The following GDA variants were observed in gnomAD, a reference collection of about 807,000 sequenced individuals.
GDA encodes guanine deaminase.
Under a neutral mutation model 59.6 loss-of-function variants are expected in GDA, and 18 were observed. That is an observed-to-expected ratio of 0.30 (90% CI 0.21 to 0.45). The LOEUF (loss-of-function observed/expected upper bound fraction) is 0.45. GDA is among the 20% of genes least tolerant of loss of function. GDA has a pLI of 1.00. For missense variants in GDA, 427 were observed against 552.3 expected, an observed-to-expected ratio of 0.77 and a Z score of 2.27; for synonymous variants, 201 against 201.1, an observed-to-expected ratio of 1.00 and a Z score of 0.00.
At chr9:72,123,551 G>T (rs1175826046) in intron 1 of GDA, among the ~76,000 whole-genome samples, 1 of 140,622 alleles carries the variant, frequency 7.1e-6, no homozygotes, top group Admixed American at 7.5e-5. Context: ...GCAATGGCGT[G>T]ATCTCAGCTC....
At chr9:72,234,427 TA>T (rs907608282) in intron 10 of GDA, among the ~76,000 whole-genome samples, 1 of 152,146 alleles carries the variant, frequency 6.6e-6, no homozygotes, top group Non-Finnish European at 1.5e-5. Context: ...ATACCTCAGT[TA>T]AAAAAATGAC....
At chr9:72,188,084 A>T (rs1320450019) in intron 1 of GDA, among the ~76,000 whole-genome samples, 1 of 152,238 alleles carries the variant, frequency 6.6e-6, no homozygotes, top group African/African-American at 2.4e-5. Flanking sequence ...TGATTTAAAG[A>T]TGGAATTTAT....
chr9:72,147,269 G>A (rs972482585), upstream of GDA, among the ~76,000 whole-genome samples: 6 of 152,116 alleles, frequency 3.9e-5, no homozygotes, highest in South Asian at 8.3e-4. Flanking sequence ...ATGCAGTGGC[G>A]TGATCTCAGC....
chr9:72,134,419 TAGAC>T (rs1193261464), intron 1 of GDA, among the ~76,000 whole-genome samples: 2 of 151,396 alleles, frequency 1.3e-5, no homozygotes, highest in East Asian at 1.9e-4. Context: ...TTTTTTTTCT[TAGAC>T]AGAGTTTTGC....
intron 1 of GDA, among the ~76,000 whole-genome samples, chr9:72,179,548 A>C (rs7025700): frequency 0.18 from 27,761 of 152,172 alleles, 2,856 homozygotes; most frequent in African/African-American, 0.29. Context: ...AAGTGACTAC[A>C]GGCAAGAAAA....
At chr9:72,134,124 G>A (rs920327654) in intron 1 of GDA, among the ~76,000 whole-genome samples, 3 of 152,072 alleles carry the variant, frequency 2.0e-5, no homozygotes, top group Non-Finnish European at 4.4e-5. Context: ...TGGCAAATAG[G>A]GATGAACGCC....
intron 1 of GDA, among the ~76,000 whole-genome samples, chr9:72,180,746 G>T (rs574557509): frequency 2.0e-5 from 3 of 152,106 alleles, no homozygotes; most frequent in Non-Finnish European, 4.4e-5. Context: ...AGTTGGTTAA[G>T]CATCAGAGGA....
rs79452384 is a variant in GDA at position 72,183,514 on chromosome 9, G to A, written c.124-11986G>A. 3.5e-3 allele frequency among the ~76,000 whole-genome samples: 540 copies of A among 152,246 alleles called. 6 individuals are homozygous for A. Among genetic ancestry groups the A allele is most frequent in the African/African-American group, 0.012 (516 of 41,554 alleles). ...TAGTTTATAAAGAAAAAAAGAAAAG[G>A]AAAAGGCTGTTTGGTTTTTAAAATA... On this transcript the variant is annotated intron_variant, in intron 1 of 13. Coordinates refer to ENST00000358399, the MANE Select transcript of GDA (RefSeq NM_004293.5).
At chr9:72,188,565 A>G (rs1832129940) in intron 1 of GDA, among the ~76,000 whole-genome samples, 1 of 152,266 alleles carries the variant, frequency 6.6e-6, no homozygotes. Flanking sequence ...TCATCCACCT[A>G]GATTTCAAAG....
chr9:72,149,630 G>A lies in GDA; in HGVS notation c.71G>A (p.Cys24Tyr). The A allele has an allele frequency of 6.2e-7, 1 of 1,609,962 alleles. No homozygotes were observed. The highest frequency in any genetic ancestry group is 1.1e-5 in the South Asian group (1 of 90,906). Residue 24 changes from cysteine (C) to tyrosine (Y), a missense_variant, in exon 1 of 14, where the codon TGC becomes TAC. By Grantham distance (194) the Cys-to-Tyr change is radical. Transcript: ENST00000358399. The stretch of plus-strand genomic sequence containing the variant: ...ACGTTCGTCCACTCCACCTGGACCT[G>A]CCCCATGGAGGTGCTGCGGGATCAC... ...RGTFVHSTWT[C>Y]PMEVLRDHLL...
At chr9:72,146,593 C>T (rs1826645005), upstream of GDA, among the ~76,000 whole-genome samples, 2 of 152,078 alleles carry the variant, frequency 1.3e-5, no homozygotes, top group South Asian at 2.1e-4. Context: ...CGGGTTCAAG[C>T]GATTCTCCTG....
intron 10 of GDA, among the ~76,000 whole-genome samples, chr9:72,233,133 A>G (rs1435467637): frequency 1.3e-5 from 2 of 152,176 alleles, no homozygotes; most frequent in African/African-American, 2.4e-5. Flanking sequence ...TTACCCTTCA[A>G]TTTGTAAACT....
chr9:72,172,929 C>T (rs1355325218), intron 1 of GDA, among the ~76,000 whole-genome samples: 1 of 152,116 alleles, frequency 6.6e-6, no homozygotes, highest in Non-Finnish European at 1.5e-5. Flanking sequence ...GATACAAGAA[C>T]ATAACTGTCT....
At chr9:72,202,103 T>A (rs1232610637) in intron 2 of GDA, among the ~76,000 whole-genome samples, 6 of 152,168 alleles carry the variant, frequency 3.9e-5, no homozygotes, top group Non-Finnish European at 7.4e-5. Flanking sequence ...GACTGCTGAG[T>A]CTAAAATTGC....
chr9:72,172,133 C>T (rs1410686152), intron 1 of GDA, among the ~76,000 whole-genome samples: 1 of 152,050 alleles, frequency 6.6e-6, no homozygotes, highest in Non-Finnish European at 1.5e-5. Context: ...TTTTCTGTTC[C>T]TGTGCCCTAG....
At chr9:72,177,092 C>CTTTT (rs58433062) in intron 1 of GDA, among the ~76,000 whole-genome samples, 38 of 67,788 alleles carry the variant, frequency 5.6e-4, no homozygotes, top group East Asian at 1.4e-3. Flanking sequence ...TTATAAACTG[C>CTTTT]TTTTTTTTTT....
chr9:72,159,984 A>G (rs1230311930), intron 1 of GDA, among the ~76,000 whole-genome samples: 1 of 152,120 alleles, frequency 6.6e-6, no homozygotes, highest in Non-Finnish European at 1.5e-5. Context: ...CTACCACCAC[A>G]CTGACCATGA....
At chr9:72,191,708 C>T (rs542332221) in intron 1 of GDA, among the ~76,000 whole-genome samples, 151 of 152,208 alleles carry the variant, frequency 9.9e-4, no homozygotes, top group African/African-American at 3.5e-3. Flanking sequence ...GCCTCAGCCT[C>T]CCAGATAGCT....
At chr9:72,236,178 A>G (rs1261722754) in intron 10 of GDA, among the ~76,000 whole-genome samples, 1 of 152,130 alleles carries the variant, frequency 6.6e-6, no homozygotes, top group African/African-American at 2.4e-5. Context: ...CTTTGTATTC[A>G]CATTGCAAAA....
Sources: gnomAD v4.1 joint callset for allele counts (sites outside exome capture counted in the v4.1 genomes callset) on GRCh38, gnomAD v4.1.1 for gene constraint, MANE v1.5 for transcripts, NCBI Gene and HGNC (gene_info 2026-07-23, HGNC 2026-07-21) for gene names.